CDH17: variants seen among roughly 807,000 people sequenced by gnomAD.
The protein encoded by CDH17 is cadherin 17, also known as cadherin-17.
Under a neutral mutation model 86.3 loss-of-function variants are expected in CDH17, and 67 were observed. The observed-to-expected ratio is 0.78, with a 90% confidence interval of 0.64 to 0.95. The LOEUF (loss-of-function observed/expected upper bound fraction) is 0.95, where lower values mean the gene tolerates loss of function less well. Among genes scored for constraint, CDH17 ranks in the 40% least tolerant of loss-of-function variants. CDH17 has a pLI of 0.00. For missense variants in CDH17, 993 were observed against 1,017.6 expected (o/e 0.98, Z 0.33); for synonymous variants, 367 against 366.4 (o/e 1.00, Z -0.02).
intron 1 of CDH17, among the ~76,000 whole-genome samples, chr8:94,207,340 T>C (rs550822016): frequency 4.6e-5 from 7 of 152,218 alleles, no homozygotes; most frequent in Non-Finnish European, 8.8e-5. Flanking sequence ...ATGTGTACCA[T>C]GCACCAAGCA....
At chr8:94,164,770 C>G (rs146155294) in intron 10 of CDH17, among the ~76,000 whole-genome samples, 276 of 152,316 alleles carry the variant, frequency 1.8e-3, no homozygotes, top group Middle Eastern at 3.4e-3. Flanking sequence ...CTCAAAGGAC[C>G]TTCTAGGAGT....
chr8:94,205,423 A>G (rs1158359446), intron 1 of CDH17, among the ~76,000 whole-genome samples: 1 of 152,046 alleles, frequency 6.6e-6, no homozygotes, highest in Non-Finnish European at 1.5e-5. Context: ...TCCATCCCAT[A>G]GGATTTAGAC....
chr8:94,158,921 T>C (rs1812996572), intron 12 of CDH17, among the ~76,000 whole-genome samples: 1 of 152,234 alleles, frequency 6.6e-6, no homozygotes, highest in East Asian at 1.9e-4. Flanking sequence ...CAGTTTTCTT[T>C]TATTCTGGCT....
At chr8:94,145,193 A>G (rs1318788952) in intron 15 of CDH17, among the ~76,000 whole-genome samples, 2 of 152,238 alleles carry the variant, frequency 1.3e-5, no homozygotes. Flanking sequence ...CCTACAAAAT[A>G]TTTGTTCACA....
chr8:94,142,734 A>G (rs958913564), intron 15 of CDH17, among the ~76,000 whole-genome samples: 8 of 147,040 alleles, frequency 5.4e-5, no homozygotes, highest in African/African-American at 1.0e-4. Context: ...AGCAGATTCC[A>G]TTGTTCAAAA....
At chr8:94,187,785 C>T (rs1319325877) in intron 3 of CDH17, among the ~76,000 whole-genome samples, 21 of 152,040 alleles carry the variant, frequency 1.4e-4, no homozygotes, top group East Asian at 3.9e-4. Context: ...CCATCCCTGC[C>T]GGGCCTCTTC....
chr8:94,133,898 A>T (rs1205880211), intron 15 of CDH17, among the ~76,000 whole-genome samples: 1 of 152,226 alleles, frequency 6.6e-6, no homozygotes, highest in Non-Finnish European at 1.5e-5. Context: ...CCTTTTCTGC[A>T]TCTATTGAGA....
chr8:94,127,696 A>C lies in CDH17; in HGVS notation c.*544T>G, dbSNP rs1019242241. The C allele has an allele frequency of 6.6e-6, 1 of 152,518 alleles. No individual in the cohort carries two copies. The highest frequency in any genetic ancestry group is 2.4e-5 in the African/African-American group (1 of 41,466). The allele number at this position is 152,518 out of a possible 1,614,324, so 9.4% of individuals were successfully genotyped here. A position where few individuals can be genotyped will look rare whatever the true frequency, so the allele number is the denominator to read the frequency against. ...CCTTGATAAAGAAAAAATGTACAGA[A>C]TATTTAATGAGTCTGTCTTGCCCCA... On this transcript the variant is annotated 3_prime_UTR_variant, in exon 18 of 18. Coordinates refer to ENST00000027335, the MANE Select transcript of CDH17 (RefSeq NM_004063.4).
At chr8:94,156,575 C>T (rs181541639) in intron 12 of CDH17, among the ~76,000 whole-genome samples, 162 of 152,272 alleles carry the variant, frequency 1.1e-3, no homozygotes, top group Non-Finnish European at 1.6e-3. Flanking sequence ...GCATTTCTGA[C>T]AGTTGTTTAA....
At chr8:94,212,501 T>G (rs1466828969), upstream of CDH17, among the ~76,000 whole-genome samples, 8 of 128,812 alleles carry the variant, frequency 6.2e-5, no homozygotes, top group African/African-American at 3.4e-4. Flanking sequence ...GTTGTTGAGT[T>G]TTTTTTTTTT....
At chr8:94,154,164 C>G (rs1470948095) in intron 12 of CDH17, among the ~76,000 whole-genome samples, 1 of 152,162 alleles carries the variant, frequency 6.6e-6, no homozygotes, top group East Asian at 1.9e-4. Flanking sequence ...ATAAACAAGA[C>G]AAACTTTCAT....
chr8:94,212,181 G>T (rs1586038112), upstream of CDH17, among the ~76,000 whole-genome samples: 1 of 152,166 alleles, frequency 6.6e-6, no homozygotes, highest in Admixed American at 6.5e-5. Flanking sequence ...ACAGGGTCTC[G>T]CTCTGTCACA....
At chr8:94,216,405 G>A (rs1054531530) in intron 1 of CDH17, among the ~76,000 whole-genome samples, 6 of 152,094 alleles carry the variant, frequency 3.9e-5, no homozygotes, top group African/African-American at 1.2e-4. Flanking sequence ...CTCTATCAAT[G>A]AGCCTCAGCC....
chr8:94,201,651 C>T (rs530395440), intron 1 of CDH17, among the ~76,000 whole-genome samples: 8 of 152,324 alleles, frequency 5.3e-5, no homozygotes, highest in Non-Finnish European at 7.3e-5. Context: ...CTGTTTAAGC[C>T]TCCCGTTCTG....
intron 3 of CDH17, among the ~76,000 whole-genome samples, chr8:94,183,672 T>C (rs957529218): frequency 1.3e-5 from 2 of 152,006 alleles, no homozygotes; most frequent in Non-Finnish European, 2.9e-5. Flanking sequence ...TTCTTAGATA[T>C]GACATCAAAA....
upstream of CDH17, among the ~76,000 whole-genome samples, chr8:94,210,839 G>A (rs1814111226): frequency 1.3e-5 from 2 of 151,898 alleles, no homozygotes; most frequent in Non-Finnish European, 2.9e-5. Flanking sequence ...TGTCCAACAT[G>A]GTGAAACCTC....
At chr8:94,205,678 A>C (rs998751042) in intron 1 of CDH17, among the ~76,000 whole-genome samples, 2 of 152,192 alleles carry the variant, frequency 1.3e-5, no homozygotes, top group African/African-American at 2.4e-5. Flanking sequence ...ACCACGATGA[A>C]ATCTCATTCA....
At chr8:94,146,966 C>T (rs1217532560) in intron 14 of CDH17, among the ~76,000 whole-genome samples, 2 of 152,284 alleles carry the variant, frequency 1.3e-5, no homozygotes, top group Non-Finnish European at 1.5e-5. Context: ...TTCTCAACAT[C>T]GTCTATGTCC....
chr8:94,214,168 C>T (rs1814162646), intron 1 of CDH17, among the ~76,000 whole-genome samples: 1 of 152,036 alleles, frequency 6.6e-6, no homozygotes, highest in African/African-American at 2.4e-5. Flanking sequence ...TAGAACACTA[C>T]CCCTTCATGT....
Sources: allele counts gnomAD v4.1 joint callset (sites outside exome capture counted in the v4.1 genomes callset), GRCh38; gene constraint gnomAD v4.1.1; transcripts MANE v1.5; gene names NCBI Gene and HGNC (gene_info 2026-07-23, HGNC 2026-07-21).